The following SDCCAG8 variants were observed in gnomAD, a reference collection of about 807,000 sequenced individuals.
SDCCAG8 encodes SHH signaling and ciliogenesis regulator SDCCAG8.
SDCCAG8 carries 74 observed loss-of-function variants against 101.8 expected under a neutral mutation model. That is an observed-to-expected ratio of 0.73 (90% CI 0.60 to 0.88). SDCCAG8 has a LOEUF of 0.88. Ranked by LOEUF, SDCCAG8 falls within the 40% of genes least tolerant of loss-of-function variation. The pLI, the probability that SDCCAG8 is intolerant of heterozygous loss-of-function variation, is 0.00. For missense variants in SDCCAG8, 787 were observed against 822.6 expected, an observed-to-expected ratio of 0.96 and a Z score of 0.53; for synonymous variants, 281 against 292.9, an observed-to-expected ratio of 0.96 and a Z score of 0.41.
At chr1:243,468,971 T>C (rs1469084216) in intron 16 of SDCCAG8, among the ~76,000 whole-genome samples, 1 of 152,206 alleles carries the variant, frequency 6.6e-6, no homozygotes, top group Non-Finnish European at 1.5e-5. Flanking sequence ...TAAGCACCAG[T>C]CACTTTATAT....
intron 6 of SDCCAG8, among the ~76,000 whole-genome samples, chr1:243,294,482 G>C (rs1041226680): frequency 1.0e-5 from 1 of 99,954 alleles, no homozygotes; most frequent in Admixed American, 9.6e-5. Context: ...GTGGGGGGGG[G>C]GAGAGAGAGA....
chr1:243,447,216 T>C (rs1277385368), intron 16 of SDCCAG8, among the ~76,000 whole-genome samples: 1 of 111,432 alleles, frequency 9.0e-6, no homozygotes, highest in Non-Finnish European at 1.6e-5. Context: ...GCCACGGCAC[T>C]CCAGCCTGGG....
rs1423748998 is a variant in SDCCAG8 at position 243,262,287 on chromosome 1, G to A, written c.67+6047G>A. 1.4e-5 allele frequency among the ~76,000 whole-genome samples: 2 copies of A among 147,160 alleles called. 1 individual carries two copies. Among genetic ancestry groups the A allele is most frequent in the Non-Finnish European group, 3.0e-5 (2 of 65,846 alleles). Reference sequence around the variant, plus strand: ...CGCCCGGCTAATTTTTTTATTTTTAGTAGAGGCAGGGTTTCACCATGTTGC... The same window carrying A: ...CGCCCGGCTAATTTTTTTATTTTTAATAGAGGCAGGGTTTCACCATGTTGC... On this transcript the variant is annotated intron_variant, in intron 1 of 17. Transcript: ENST00000366541.
chr1:243,492,099 G>T (rs557549154), intron 17 of SDCCAG8, among the ~76,000 whole-genome samples: 1 of 151,994 alleles, frequency 6.6e-6, no homozygotes, highest in Non-Finnish European at 1.5e-5. Flanking sequence ...CTGTTGGCAG[G>T]CTTCATTATT....
At chr1:243,339,038 C>A (rs1365278978) in intron 10 of SDCCAG8, 1 of 135,840 alleles carries the variant, frequency 7.4e-6, no homozygotes, top group African/African-American at 2.8e-5. Flanking sequence ...GGCAGAGGAC[C>A]TCAGAAAGTG....
Position 243,393,307 on chromosome 1 carries a change from A to G in SDCCAG8, c.1616+14444A>G, listed in dbSNP as rs529633420. On this transcript the variant is annotated intron_variant, in intron 13 of 17. Transcript: ENST00000366541. ...AGCCATCTTGTGTAGAACAGATGGCACCGAAAGCTGGCAGGGGAGGGGCTC... is the reference window on the plus strand; with the variant it reads ...AGCCATCTTGTGTAGAACAGATGGCGCCGAAAGCTGGCAGGGGAGGGGCTC... 7.9e-4 allele frequency among the ~76,000 whole-genome samples: 120 copies of G among 152,136 alleles called. 1 individual carries two copies. The highest frequency in any genetic ancestry group is 2.7e-3 in the African/African-American group (110 of 41,484).
intron 16 of SDCCAG8, among the ~76,000 whole-genome samples, chr1:243,463,882 C>T (rs574302617): frequency 1.2e-4 from 18 of 152,068 alleles, no homozygotes; most frequent in African/African-American, 4.1e-4. Flanking sequence ...ATCATGAAAT[C>T]TCTTGGAAAT....
intron 1 of SDCCAG8, among the ~76,000 whole-genome samples, chr1:243,264,846 G>T (rs1001496421): frequency 5.4e-4 from 83 of 152,322 alleles, no homozygotes; most frequent in African/African-American, 1.9e-3. Context: ...CTGGGGAAAA[G>T]AAATCAGGAT....
chr1:243,398,954 C>T (rs191153874), intron 13 of SDCCAG8, among the ~76,000 whole-genome samples: 2 of 152,360 alleles, frequency 1.3e-5, no homozygotes, highest in African/African-American at 2.4e-5. Flanking sequence ...GTTCTAGCTG[C>T]ACTAGGCACT....
intron 15 of SDCCAG8, among the ~76,000 whole-genome samples, chr1:243,425,425 A>C (rs548987286): frequency 2.3e-4 from 35 of 152,226 alleles, no homozygotes; most frequent in Admixed American, 3.9e-4. Flanking sequence ...GGGATGAACA[A>C]TTTGTAAAGT....
chr1:243,426,342 A>G, intron 15 of SDCCAG8, 85 bp from the exon 16 acceptor site: 1 of 1,170,984 alleles, frequency 8.5e-7, no homozygotes, highest in South Asian at 1.3e-5. Context: ...TGTGGAGTTT[A>G]AGATAATGTT....
intron 12 of SDCCAG8, among the ~76,000 whole-genome samples, chr1:243,372,855 G>A (rs1213779734): frequency 6.8e-6 from 1 of 146,854 alleles, no homozygotes; most frequent in Non-Finnish European, 1.5e-5. Flanking sequence ...AAAATTATCT[G>A]GGTATGGTGA....
intron 14 of SDCCAG8, among the ~76,000 whole-genome samples, chr1:243,417,707 C>T (rs1054532272): frequency 6.6e-6 from 1 of 152,128 alleles, no homozygotes; most frequent in African/African-American, 2.4e-5. Context: ...GTATTTGACA[C>T]TTTATTAACA....
intron 10 of SDCCAG8, among the ~76,000 whole-genome samples, chr1:243,333,626 G>A (rs1472321493): frequency 1.3e-5 from 2 of 152,132 alleles, no homozygotes; most frequent in Non-Finnish European, 2.9e-5. Flanking sequence ...CAACTTCCAT[G>A]CCACAGCCAG....
intron 5 of SDCCAG8, among the ~76,000 whole-genome samples, chr1:243,288,538 A>G (rs2069863855): frequency 6.6e-6 from 1 of 152,190 alleles, no homozygotes. Context: ...AAGTTGTAAC[A>G]TGAATAAAAA....
At chr1:243,340,933 C>T in intron 10 of SDCCAG8, 106 bp from the exon 11 acceptor site, 1 of 1,157,512 alleles carries the variant, frequency 8.6e-7, no homozygotes, top group Admixed American at 1.7e-5. Context: ...AGAGAAATGG[C>T]TCACAGAGCC....
rs181049229 is a variant in SDCCAG8, at chr1:243,393,929, G to T, written c.1616+15066G>T. On this transcript the variant is annotated intron_variant, in intron 13 of 17. Coordinates refer to ENST00000366541, the MANE Select transcript of SDCCAG8 (RefSeq NM_006642.5). ...TTTTTCCCCCATGTAACTGTGGGTT[G>T]AACATCAAAATATAAGCATAATTCA... is the stretch of plus-strand genomic sequence containing the variant. Among the ~76,000 whole-genome samples, 250 of 152,210 alleles carry T rather than the reference G, an allele frequency of 1.6e-3. 2 individuals carry two copies. The highest frequency in any genetic ancestry group is 2.1e-3 in the East Asian group (11 of 5,188).
Position 243,499,952 on chromosome 1 carries a change from G to GGCTGGA in SDCCAG8, c.*175_*180dup, listed in dbSNP as rs1302601533. 29 of 679,598 alleles carry GGCTGGA rather than the reference G, an allele frequency of 4.3e-5. No homozygotes were observed. In the East Asian group the frequency reaches 7.9e-4, roughly 18 times the overall value. 42.1% of individuals were successfully genotyped at this position (679,598 alleles called of 1,614,324 possible). A position where few individuals can be genotyped will look rare whatever the true frequency, so the allele number is the denominator to read the frequency against. On this transcript the variant is annotated 3_prime_UTR_variant, in exon 18 of 18. Coordinates refer to ENST00000366541, the MANE Select transcript of SDCCAG8 (RefSeq NM_006642.5). ...CGGGCGCTGTCCCCGCACGCAGTCG[G>GGCTGGA]GCTGGAGCTGGAGTCTGACTCTAGC... is the stretch of plus-strand genomic sequence containing the variant.
chr1:243,259,763 G>A (rs775587070), intron 1 of SDCCAG8, among the ~76,000 whole-genome samples: 12 of 151,168 alleles, frequency 7.9e-5, no homozygotes, highest in Non-Finnish European at 1.5e-4. Flanking sequence ...AGGTTGCGGT[G>A]GGCGGAGGTT....
Sources: allele counts gnomAD v4.1 joint callset (sites outside exome capture counted in the v4.1 genomes callset), GRCh38; gene constraint gnomAD v4.1.1; transcripts MANE v1.5; gene names NCBI Gene and HGNC (gene_info 2026-07-23, HGNC 2026-07-21).